TAF4: variants seen among roughly 807,000 people sequenced by gnomAD.
TAF4 encodes transcription initiation factor TFIID subunit 4.
In TAF4, 9 loss-of-function variants were observed where a neutral mutation model predicts 90.3. The observed-to-expected ratio is 0.10, with a 90% CI of 0.06 to 0.17. The LOEUF is 0.17. Among genes scored for constraint, TAF4 ranks in the 10% least tolerant of loss-of-function variants. The pLI is 1.00. For missense variants in TAF4, 1,351 were observed against 1,370.7 expected, an observed-to-expected ratio of 0.99 and a Z score of 0.23; for synonymous variants, 818 against 638.9, an observed-to-expected ratio of 1.28 and a Z score of -4.23.
chr20:62,043,048 G>A (rs1053940759), intron 1 of TAF4, among the ~76,000 whole-genome samples: 7 of 152,214 alleles, frequency 4.6e-5, no homozygotes, highest in Non-Finnish European at 1.0e-4. Context: ...CTCGCTGGGC[G>A]TGGTGGCACA....
chr20:62,023,319 T>C (rs536496693), intron 1 of TAF4, among the ~76,000 whole-genome samples: 39 of 151,548 alleles, frequency 2.6e-4, no homozygotes, highest in Admixed American at 8.5e-4. Flanking sequence ...GGTGCACCCC[T>C]GTAGTGGAGG....
At chr20:62,002,823 T>C (rs1443492607) in intron 9 of TAF4, among the ~76,000 whole-genome samples, 1 of 152,146 alleles carries the variant, frequency 6.6e-6, no homozygotes, top group African/African-American at 2.4e-5. Flanking sequence ...GGTTCTGAAG[T>C]TGAATACATG....
chr20:62,036,305 G>GT, intron 1 of TAF4, among the ~76,000 whole-genome samples: 1 of 152,262 alleles, frequency 6.6e-6, no homozygotes, highest in East Asian at 1.9e-4. Context: ...GATGACAGGC[G>GT]TGAGCCACCG....
chr20:62,013,217 GTGC>G (rs2055789726), intron 2 of TAF4, among the ~76,000 whole-genome samples: 1 of 152,196 alleles, frequency 6.6e-6, no homozygotes, highest in South Asian at 2.1e-4. Flanking sequence ...ATCAATCCTC[GTGC>G]TGCTGGCTTG....
Position 62,000,869 on chromosome 20 carries a change from C to A in TAF4, c.2487-148G>T, listed in dbSNP as rs1600835755. 1.2e-5 allele frequency: 9 copies of A among 775,306 alleles called. No homozygotes were observed. The East Asian group carries it at 2.4e-4, about 21-fold the overall frequency. 48.0% of individuals were successfully genotyped at this position (775,306 alleles called of 1,614,324 possible). ...CTCCCCGCACCTGCACCTGCTGCAT[C>A]TGCCACAGCAGAGAGGGTGCCTCGC... On this transcript the variant is annotated intron_variant, in intron 9 of 14. Transcript: ENST00000252996.
intron 11 of TAF4, 59 bp from the exon 12 acceptor site, chr20:61,999,167 G>T: frequency 6.3e-7 from 1 of 1,592,448 alleles, no homozygotes; most frequent in South Asian, 1.1e-5. Flanking sequence ...AAGCAAAGGG[G>T]TTGTCTAGCA....
intron 9 of TAF4, among the ~76,000 whole-genome samples, chr20:62,002,635 C>T (rs1270393174): frequency 6.6e-6 from 1 of 152,218 alleles, no homozygotes; most frequent in Non-Finnish European, 1.5e-5. Flanking sequence ...GGCCCACAGG[C>T]ACACACCACC....
At position 62,065,242 on chromosome 20, in the gene TAF4, G is replaced by A. The variant is rs1326568330; in HGVS notation, c.569C>T (p.Ala190Val). Residue 190 changes from alanine (A) to valine (V), a missense_variant, in exon 1 of 15, where the codon GCC (alanine) becomes GTC (valine). Around this residue, in one of 9 missense-constraint regions of TAF4, gnomAD observed 782 missense variants for 536.6 expected, o/e 1.46. Transcript: ENST00000252996. ...PGPGPGPGKPAGPGAAQTLNG... is the reference protein window; with the variant it reads ...PGPGPGPGKPVGPGAAQTLNG... ...CAAAGTTTGCGCGGCGCCGGGGCCG[G>A]CGGGCTTGCCAGGGCCAGGGCCGGG... 2 of 1,083,956 alleles carry A rather than the reference G, an allele frequency of 1.8e-6. No homozygotes were observed. The highest frequency in any genetic ancestry group is 1.9e-5 in the African/African-American group (1 of 51,582). 67.1% of individuals were successfully genotyped at this position (1,083,956 alleles called of 1,614,324 possible).
intron 14 of TAF4, among the ~76,000 whole-genome samples, chr20:61,995,236 G>A (rs1020267021): frequency 6.6e-6 from 1 of 152,208 alleles, no homozygotes; most frequent in Non-Finnish European, 1.5e-5. Flanking sequence ...CTGAATGTGA[G>A]ATGGCCCAGG....
intron 11 of TAF4, among the ~76,000 whole-genome samples, chr20:61,999,405 C>G (rs1336480106): frequency 1.3e-5 from 2 of 152,208 alleles, no homozygotes; most frequent in East Asian, 3.8e-4. Context: ...TTTTTTGCTG[C>G]AACACAGAAC....
chr20:62,063,113 C>CT (rs2056099053), intron 1 of TAF4, among the ~76,000 whole-genome samples: 1 of 152,318 alleles, frequency 6.6e-6, no homozygotes, highest in Admixed American at 6.5e-5. Flanking sequence ...TAAAGGGCGT[C>CT]TCAGCAACCC....
intron 14 of TAF4, among the ~76,000 whole-genome samples, chr20:61,979,932 C>A (rs1318518326): frequency 3.9e-5 from 6 of 152,248 alleles, no homozygotes; most frequent in African/African-American, 1.4e-4. Flanking sequence ...TGGCGCAAAA[C>A]AGAGCCTGGG....
At chr20:62,062,624 C>T (rs1004409592) in intron 1 of TAF4, among the ~76,000 whole-genome samples, 6 of 152,160 alleles carry the variant, frequency 3.9e-5, no homozygotes, top group African/African-American at 1.4e-4. Context: ...GTCAACACTC[C>T]TACAGTTGTT....
intron 14 of TAF4, among the ~76,000 whole-genome samples, chr20:61,988,816 T>C (rs573706378): frequency 6.6e-6 from 1 of 152,086 alleles, no homozygotes; most frequent in Non-Finnish European, 1.5e-5. Context: ...ATACTCCACG[T>C]ACCTCCCAGC....
intron 1 of TAF4, among the ~76,000 whole-genome samples, chr20:62,040,144 C>T (rs945846080): frequency 4.6e-5 from 7 of 152,240 alleles, no homozygotes; most frequent in Non-Finnish European, 8.8e-5. Flanking sequence ...CAAAGAAAAA[C>T]TTATGTTCAT....
intron 11 of TAF4, 95 bp downstream of exon 11, chr20:62,000,029 C>T: frequency 1.3e-6 from 2 of 1,548,366 alleles, no homozygotes; most frequent in South Asian, 1.1e-5. Flanking sequence ...TTGGGACCCA[C>T]CGCCCTCTGC....
intron 14 of TAF4, among the ~76,000 whole-genome samples, chr20:61,991,169 A>G (rs1330030149): frequency 6.6e-6 from 1 of 152,200 alleles, no homozygotes; most frequent in Admixed American, 6.5e-5. Flanking sequence ...CTGTAATCCC[A>G]GCACTTTGGG....
At chr20:62,052,314 A>T (rs922887615) in intron 1 of TAF4, among the ~76,000 whole-genome samples, 5 of 148,662 alleles carry the variant, frequency 3.4e-5, no homozygotes, top group Admixed American at 2.7e-4. Context: ...TCCGCTATTG[A>T]GCATGGCTCC....
At chr20:62,016,237 C>A (rs2055811325) in intron 1 of TAF4, among the ~76,000 whole-genome samples, 2 of 152,198 alleles carry the variant, frequency 1.3e-5, no homozygotes, top group Admixed American at 1.3e-4. Context: ...TGGTAAATAC[C>A]CCCATGTATG....
Sources: gnomAD v4.1 joint callset for allele counts (sites outside exome capture counted in the v4.1 genomes callset) on GRCh38, gnomAD v4.1.1 for gene constraint, gnomAD v4.1.1 regional missense constraint, MANE v1.5 for transcripts, NCBI Gene and HGNC (gene_info 2026-07-23, HGNC 2026-07-21) for gene names.